The following ANKRD44 variants were observed in gnomAD, a reference collection of about 807,000 sequenced individuals.
The protein encoded by ANKRD44 is ankyrin repeat domain 44, also known as serine/threonine-protein phosphatase 6 regulatory ankyrin repeat subunit B.
A neutral mutation model predicts 116.0 loss-of-function variants in ANKRD44; 35 were observed. The ratio of observed to expected loss-of-function variants is 0.30; its 90% confidence interval spans 0.23 to 0.40. ANKRD44 has a LOEUF of 0.40. Among genes scored for constraint, ANKRD44 ranks in the 10% least tolerant of loss-of-function variants. The pLI, the probability that ANKRD44 is intolerant of heterozygous loss-of-function variation, is 1.00. For synonymous variants in ANKRD44, 435 were observed against 461.8 expected (o/e 0.94, Z 0.74); for missense variants, 1,014 against 1,242.6 (o/e 0.82, Z 2.77).
At chr2:197,296,665 T>C (rs906961784) in intron 1 of ANKRD44, 2 of 152,242 alleles carry the variant, frequency 1.3e-5, no homozygotes, top group Admixed American at 6.5e-5. Context: ...TCATTTCCTG[T>C]GACCCTTTTT....
At chr2:196,994,554 C>T (rs563536155) in intron 26 of ANKRD44, 2 of 151,814 alleles carry the variant, frequency 1.3e-5, no homozygotes, top group Admixed American at 6.6e-5. Context: ...TCTTGTTGCC[C>T]AGGCTGGAGT....
intron 21 of ANKRD44, among the ~76,000 whole-genome samples, chr2:196,977,263 CTAAGTA>C (rs1260205737): frequency 1.3e-5 from 2 of 152,166 alleles, no homozygotes; most frequent in Non-Finnish European, 1.5e-5. Context: ...TCTACAGATT[CTAAGTA>C]TAAGAGCTAA....
chr2:197,146,771 A>G (rs1181196415), intron 3 of ANKRD44, among the ~76,000 whole-genome samples: 1 of 152,158 alleles, frequency 6.6e-6, no homozygotes, highest in Non-Finnish European at 1.5e-5. Context: ...TACTGAATTC[A>G]TCTACAATGC....
intron 1 of ANKRD44, among the ~76,000 whole-genome samples, chr2:197,252,137 G>GA (rs1004943234): frequency 2.6e-5 from 4 of 151,854 alleles, no homozygotes; most frequent in Admixed American, 6.6e-5. Context: ...GCTTAAATAG[G>GA]AAAAAAACTC....
At chr2:197,231,783 G>A (rs1471403665) in intron 1 of ANKRD44, among the ~76,000 whole-genome samples, 2 of 152,096 alleles carry the variant, frequency 1.3e-5, no homozygotes, top group African/African-American at 2.4e-5. Flanking sequence ...GTAGGGCCTT[G>A]TTCATGCATC....
intron 1 of ANKRD44, among the ~76,000 whole-genome samples, chr2:197,252,462 A>G (rs2082340871): frequency 6.6e-6 from 1 of 151,874 alleles, no homozygotes; most frequent in Non-Finnish European, 1.5e-5. Flanking sequence ...GCTGGAGCGC[A>G]GTAGCGCGAT....
chr2:197,245,343 T>C (rs2082168814), intron 1 of ANKRD44, among the ~76,000 whole-genome samples: 1 of 152,144 alleles, frequency 6.6e-6, no homozygotes, highest in Admixed American at 6.5e-5. Context: ...TTATAAGCAA[T>C]CTAGAGATGA....
intron 1 of ANKRD44, among the ~76,000 whole-genome samples, chr2:197,287,686 G>C (rs2083443622): frequency 6.6e-6 from 1 of 151,844 alleles, no homozygotes; most frequent in Non-Finnish European, 1.5e-5. Flanking sequence ...CTATTTAGGA[G>C]ATCTGGGGAC....
At chr2:197,021,328 G>C (rs1280304557) in intron 17 of ANKRD44, among the ~76,000 whole-genome samples, 1 of 152,182 alleles carries the variant, frequency 6.6e-6, no homozygotes, top group African/African-American at 2.4e-5. Flanking sequence ...TAATGGGATG[G>C]CTGGGTCAAA....
intron 2 of ANKRD44, among the ~76,000 whole-genome samples, chr2:197,154,168 G>A (rs1469574935): frequency 1.3e-5 from 2 of 149,666 alleles, no homozygotes. Flanking sequence ...TGATGCTATC[G>A]GCTTTCTTTT....
chr2:197,152,374 A>G (rs1420903068), intron 2 of ANKRD44, among the ~76,000 whole-genome samples: 1 of 152,244 alleles, frequency 6.6e-6, no homozygotes, highest in Non-Finnish European at 1.5e-5. Flanking sequence ...TTGTCCAAAC[A>G]TCACAAAAAG....
At chr2:197,103,281 T>C (rs966130470) in intron 9 of ANKRD44, among the ~76,000 whole-genome samples, 2 of 152,046 alleles carry the variant, frequency 1.3e-5, no homozygotes, top group Non-Finnish European at 2.9e-5. Context: ...TTTATCATGT[T>C]TGGGTTTGTT....
intron 2 of ANKRD44, among the ~76,000 whole-genome samples, chr2:197,177,398 G>A (rs2080391263): frequency 6.6e-6 from 1 of 152,156 alleles, no homozygotes. Context: ...CTAATCCCAT[G>A]AGAAGAGCCC....
intron 1 of ANKRD44, among the ~76,000 whole-genome samples, chr2:197,268,581 G>A (rs1029772407): frequency 6.6e-6 from 1 of 152,196 alleles, no homozygotes; most frequent in African/African-American, 2.4e-5. Flanking sequence ...GTCACATGGC[G>A]TGGATGACAG....
intron 16 of ANKRD44, among the ~76,000 whole-genome samples, chr2:197,040,716 A>AAAAAT (rs764142959): frequency 1.4e-3 from 211 of 152,218 alleles, no homozygotes; most frequent in African/African-American, 4.6e-3. Flanking sequence ...TCTGGTAGGA[A>AAAAAT]AAAATAAAAT....
chr2:197,239,339 C>T (rs773977499), intron 1 of ANKRD44, among the ~76,000 whole-genome samples: 12 of 152,192 alleles, frequency 7.9e-5, no homozygotes, highest in Non-Finnish European at 1.2e-4. Flanking sequence ...TCAAGCAATC[C>T]TCCAACCTCA....
At chr2:197,154,049 C>T (rs2079734929) in intron 2 of ANKRD44, among the ~76,000 whole-genome samples, 1 of 152,044 alleles carries the variant, frequency 6.6e-6, no homozygotes, top group Admixed American at 6.5e-5. Context: ...CACACACATT[C>T]AATTGTATTA....
intron 2 of ANKRD44, among the ~76,000 whole-genome samples, chr2:197,182,349 T>C (rs1448274903): frequency 2.0e-5 from 3 of 152,164 alleles, no homozygotes; most frequent in African/African-American, 7.2e-5. Context: ...GCTCCTCAAT[T>C]CAATCTACAG....
intron 21 of ANKRD44, among the ~76,000 whole-genome samples, chr2:196,979,334 G>A (rs1457150661): frequency 1.5e-5 from 2 of 129,210 alleles, no homozygotes; most frequent in Non-Finnish European, 3.1e-5. Context: ...AGTGAGCCAA[G>A]ATCGCGCCAC....
Sources: allele counts gnomAD v4.1 joint callset (sites outside exome capture counted in the v4.1 genomes callset), GRCh38; gene constraint gnomAD v4.1.1; transcripts MANE v1.5; gene names NCBI Gene and HGNC (gene_info 2026-07-23, HGNC 2026-07-21).